The following PAXIP1 variants were observed in gnomAD, a reference collection of about 807,000 sequenced individuals.
PAXIP1 encodes PAX interacting protein 1.
Under a neutral mutation model 140.6 loss-of-function variants are expected in PAXIP1, and 19 were observed. The observed-to-expected ratio is 0.14, with a 90% CI of 0.09 to 0.20. The LOEUF is 0.20. Ranked by LOEUF, PAXIP1 falls within the 10% of genes least tolerant of loss-of-function variation. The pLI is 1.00. For synonymous variants in PAXIP1, 442 were observed against 444.6 expected, an observed-to-expected ratio of 0.99 and a Z score of 0.07; for missense variants, 920 against 1,208.6, an observed-to-expected ratio of 0.76 and a Z score of 3.54.
chr7:154,946,292 C>T lies in PAXIP1; in HGVS notation c.3194+73G>A. On this transcript the variant is annotated intron_variant, in intron 20 of 20. Coordinates refer to ENST00000404141, the MANE Select transcript of PAXIP1 (RefSeq NM_007349.4). The surrounding 1 kb of genome is among the most constrained non-coding windows in gnomAD (Gnocchi z 4.9). ...AATGGCTTGCAAAACAGGAAAGGTACTGCCTTATTAACCTGGGAAATCCAT... is the reference window on the plus strand; with the variant it reads ...AATGGCTTGCAAAACAGGAAAGGTATTGCCTTATTAACCTGGGAAATCCAT... 6.2e-7 allele frequency: 1 copy of T among 1,608,432 alleles called. No homozygotes were observed. The highest frequency in any genetic ancestry group is 8.5e-7 in the Non-Finnish European group (1 of 1,176,386).
chr7:154,948,186 C>G, intron 16 of PAXIP1, 183 bp from the exon 17 acceptor site: 1 of 574,774 alleles, frequency 1.7e-6, no homozygotes, highest in South Asian at 2.2e-5. Context: ...ACAGCCAGAC[C>G]AAAAAGACAG....
intron 8 of PAXIP1, among the ~76,000 whole-genome samples, chr7:154,966,924 C>T (rs1401409603): frequency 1.3e-5 from 2 of 152,236 alleles, no homozygotes; most frequent in Non-Finnish European, 2.9e-5. Flanking sequence ...GTCAGTTTCA[C>T]CAATCACATG....
chr7:154,959,737 A>G (rs1423515670), intron 13 of PAXIP1, among the ~76,000 whole-genome samples, 153 bp downstream of exon 13: 1 of 152,236 alleles, frequency 6.6e-6, no homozygotes, highest in African/African-American at 2.4e-5. Flanking sequence ...TTCTAACCCT[A>G]TGAAAAATCA....
intron 1 of PAXIP1, among the ~76,000 whole-genome samples, chr7:155,002,289 G>A (rs141351401): frequency 6.6e-6 from 1 of 152,334 alleles, no homozygotes; most frequent in Admixed American, 6.5e-5. Flanking sequence ...CACGTGCAGG[G>A]ACACAGGCTG....
chr7:154,982,901 T>C (rs1809909303), intron 5 of PAXIP1, among the ~76,000 whole-genome samples: 1 of 152,128 alleles, frequency 6.6e-6, no homozygotes, highest in African/African-American at 2.4e-5. Context: ...GAACTAAAAA[T>C]ACATTTTTTT....
chr7:154,950,684 G>A (rs1403936754), intron 16 of PAXIP1: 3 of 152,240 alleles, frequency 2.0e-5, no homozygotes, highest in Non-Finnish European at 4.4e-5. Flanking sequence ...GTACATGGAT[G>A]TTTTAGCAGC....
chr7:154,979,367 TAAAGA>T (rs1353040271), intron 5 of PAXIP1, among the ~76,000 whole-genome samples: 2 of 152,200 alleles, frequency 1.3e-5, no homozygotes, highest in African/African-American at 2.4e-5. Flanking sequence ...ATGTGCTCAT[TAAAGA>T]AAACAAAAAC....
At position 154,954,865 on chromosome 7, in the gene PAXIP1, G is replaced by C. The variant is rs56955174; in HGVS notation, c.2653-442C>G. On this transcript the variant is annotated intron_variant, in intron 15 of 20. Coordinates refer to ENST00000404141, the MANE Select transcript of PAXIP1 (RefSeq NM_007349.4). The surrounding 1 kb of genome is among the most constrained non-coding windows in gnomAD (Gnocchi z 5.1). Reference sequence around the variant, plus strand: ...AAGACTTGAGCATATAAAAAAGCGAGCTCCTAATAACTATCCTCACATTTT... The same window carrying C: ...AAGACTTGAGCATATAAAAAAGCGACCTCCTAATAACTATCCTCACATTTT... Among the ~76,000 whole-genome samples, 90,514 of 151,990 alleles carry C rather than the reference G, an allele frequency of 0.6. 27,010 individuals are homozygous for C. Among genetic ancestry groups the C allele is most frequent in the Admixed American group, 0.67 (10,215 of 15,278 alleles).
intron 13 of PAXIP1, among the ~76,000 whole-genome samples, chr7:154,958,873 CTG>C (rs1808641007): frequency 1.3e-5 from 2 of 152,198 alleles, no homozygotes. Flanking sequence ...GCTAAAAGAA[CTG>C]TGAGAATATT....
intron 16 of PAXIP1, chr7:154,949,797 C>G (rs1422325720): frequency 1.3e-5 from 2 of 152,216 alleles, no homozygotes; most frequent in African/African-American, 4.8e-5. Context: ...GTCCCAGCTA[C>G]TAGGGAGGCT....
intron 12 of PAXIP1, 90 bp from the exon 13 acceptor site, chr7:154,960,023 C>T: frequency 1.2e-6 from 1 of 816,748 alleles, no homozygotes; most frequent in South Asian, 1.4e-5. Context: ...TAATCCTCAC[C>T]AGACAGGTGG....
intron 15 of PAXIP1, 120 bp downstream of exon 15, chr7:154,955,409 A>G: frequency 1.6e-6 from 1 of 631,878 alleles, no homozygotes; most frequent in South Asian, 1.9e-5. Context: ...ATAAATATGC[A>G]CCATAAAGAC....
Position 154,993,707 on chromosome 7 carries a change from C to T in PAXIP1, c.260+19G>A, listed in dbSNP as rs372785208. 2 of 1,574,828 alleles carry T rather than the reference C, an allele frequency of 1.3e-6. No homozygotes were observed. Among genetic ancestry groups the T allele is most frequent in the South Asian group, 1.2e-5 (1 of 85,840 alleles). On this transcript the variant is annotated intron_variant, in intron 3 of 20. Coordinates refer to ENST00000404141, the MANE Select transcript of PAXIP1 (RefSeq NM_007349.4). ...CAGAGTTACCCTTTCCCTCCTCCCCCACTCAAAAAAAAGGATACGGCAGAA... is the reference window on the plus strand; with the variant it reads ...CAGAGTTACCCTTTCCCTCCTCCCCTACTCAAAAAAAAGGATACGGCAGAA...
intron 9 of PAXIP1, 129 bp from the exon 10 acceptor site, chr7:154,962,587 G>T: frequency 1.4e-6 from 1 of 722,704 alleles, no homozygotes; most frequent in Non-Finnish European, 2.2e-6. Flanking sequence ...ATGACATCTA[G>T]CACTTGATTA....
intron 16 of PAXIP1, chr7:154,952,008 C>T (rs1025391905): frequency 5.3e-5 from 8 of 152,130 alleles, no homozygotes; most frequent in Admixed American, 1.3e-4. Context: ...TTTCTATTAA[C>T]GAATAGACTA....
At position 154,961,004 on chromosome 7, in the gene PAXIP1, T is replaced by C; in HGVS notation, c.2323A>G (p.Ile775Val). 2.5e-6 allele frequency: 4 copies of C among 1,601,306 alleles called. No individual in the cohort carries two copies. Among genetic ancestry groups the C allele is most frequent in the Non-Finnish European group, 3.4e-6 (4 of 1,173,710 alleles). The change falls in exon 12 of 21, where the codon ATT becomes GTT. Residue 775 changes from isoleucine to valine, a missense_variant. By Grantham distance (29) the Ile-to-Val change is conservative. Around this residue, in one of 5 missense-constraint regions of PAXIP1, gnomAD observed 303 missense variants for 517.9 expected, o/e 0.59. Coordinates refer to ENST00000404141, the MANE Select transcript of PAXIP1 (RefSeq NM_007349.4). ...PCVNAQWLGDILLGNFEALRQ... is the reference protein window; with the variant it reads ...PCVNAQWLGDVLLGNFEALRQ... ...AGTGCCTCAAAGTTTCCCAGAAGAA[T>C]GTCGCCAAGCCACTGGGCGTTGACA...
intron 6 of PAXIP1, among the ~76,000 whole-genome samples, chr7:154,969,631 T>C (rs1809206068): frequency 6.6e-6 from 1 of 152,236 alleles, no homozygotes; most frequent in Non-Finnish European, 1.5e-5. Context: ...CAGCTGCCAC[T>C]TCCCATTTCC....
At chr7:154,993,695 T>A in intron 3 of PAXIP1, 31 bp downstream of exon 3, 1 of 1,547,280 alleles carries the variant, frequency 6.5e-7, no homozygotes, top group Non-Finnish European at 8.8e-7. Flanking sequence ...AGTTACCCTT[T>A]CCCTCCTCCC....
At chr7:154,984,746 A>G (rs1181500934) in intron 4 of PAXIP1, among the ~76,000 whole-genome samples, 1 of 152,254 alleles carries the variant, frequency 6.6e-6, no homozygotes, top group Admixed American at 6.5e-5. Context: ...ATATGATAAT[A>G]CAGATTAATC....
Sources: gnomAD v4.1 joint callset for allele counts (sites outside exome capture counted in the v4.1 genomes callset) on GRCh38, gnomAD v4.1.1 for gene constraint, gnomAD v4.1.1 regional missense constraint, Gnocchi (gnomAD v3.1) non-coding constraint, MANE v1.5 for transcripts, NCBI Gene and HGNC (gene_info 2026-07-23, HGNC 2026-07-21) for gene names.